Variants in PI4K2A observed in about 807,000 individuals in gnomAD.
PI4K2A encodes phosphatidylinositol 4-kinase type 2-alpha.
Under a neutral mutation model 55.0 loss-of-function variants are expected in PI4K2A, and 20 were observed. That is an observed-to-expected ratio of 0.36 (90% CI 0.26 to 0.53). PI4K2A has a LOEUF of 0.53. Among genes scored for constraint, PI4K2A ranks in the 20% least tolerant of loss-of-function variants. PI4K2A has a pLI of 0.91. For synonymous variants in PI4K2A, 235 were observed against 258.5 expected, an observed-to-expected ratio of 0.91 and a Z score of 0.87; for missense variants, 463 against 637.1, an observed-to-expected ratio of 0.73 and a Z score of 2.94.
chr10:97,654,374 T>C (rs1564774470), intron 2 of PI4K2A, among the ~76,000 whole-genome samples: 1 of 152,150 alleles, frequency 6.6e-6, no homozygotes, highest in Non-Finnish European at 1.5e-5. Context: ...GAGTGCCTAC[T>C]ACAGTACCAT....
intron 4 of PI4K2A, among the ~76,000 whole-genome samples, chr10:97,660,044 C>G (rs1396904351): frequency 6.7e-6 from 1 of 149,734 alleles, no homozygotes; most frequent in Non-Finnish European, 1.5e-5. Context: ...CTCTGTCACC[C>G]AGGCTGGAGT....
At chr10:97,642,825 TCC>T (rs1367880684) in intron 1 of PI4K2A, among the ~76,000 whole-genome samples, 53 of 5,110 alleles carry the variant, frequency 0.01, no homozygotes, top group Non-Finnish European at 0.022. Flanking sequence ...CTTCCTTCCT[TCC>T]TTCCTTCCTT....
intron 4 of PI4K2A, among the ~76,000 whole-genome samples, chr10:97,659,326 G>A (rs189749545): frequency 4.7e-4 from 71 of 152,076 alleles, no homozygotes; most frequent in African/African-American, 1.6e-3. Flanking sequence ...GAACAACTGC[G>A]CCTGGCTTGC....
At chr10:97,654,047 C>G (rs900105836) in intron 2 of PI4K2A, among the ~76,000 whole-genome samples, 2 of 152,242 alleles carry the variant, frequency 1.3e-5, no homozygotes, top group Admixed American at 1.3e-4. Context: ...AGGACTCTAT[C>G]CAGTTGATCA....
chr10:97,660,611 T>C (rs983534552), intron 4 of PI4K2A, among the ~76,000 whole-genome samples: 3 of 152,028 alleles, frequency 2.0e-5, no homozygotes, highest in Non-Finnish European at 4.4e-5. Context: ...TTCTAATATA[T>C]GCACTTCAGA....
chr10:97,656,407 A>G lies in PI4K2A; in HGVS notation c.759A>G (p.Leu253=). The change falls in exon 3 of 9, where the codon CTA becomes CTG. Residue 253 remains leucine (L), a synonymous_variant. Transcript: ENST00000370631. This position sits in a 1 kb window ranked among gnomAD's most constrained non-coding sequence, Gnocchi z 4.5. ...GACAGCGGTTTAACCGCATCGGGCT[A>G]CCACCAAAGGTATAGACGCACCTCT... The G allele has an allele frequency of 4.3e-6, 7 of 1,614,066 alleles. No homozygotes were observed. The highest frequency in any genetic ancestry group is 1.3e-5 in the African/African-American group (1 of 75,046).
At chr10:97,662,402 T>C (rs570058168) in intron 4 of PI4K2A, among the ~76,000 whole-genome samples, 50 of 152,342 alleles carry the variant, frequency 3.3e-4, no homozygotes, top group African/African-American at 1.2e-3. Context: ...GAGGAAGATT[T>C]CTTTTGGCAA....
At chr10:97,673,717 G>A (rs763253633) in exon 9 of PI4K2A, 6 of 1,613,916 alleles carry the variant, frequency 3.7e-6, no homozygotes, top group Non-Finnish European at 5.1e-6. Flanking sequence ...TTTCAGAGCC[G>A]GAAGCCCTTC....
rs544535088 is a variant in PI4K2A at position 97,665,645 on chromosome 10, T to C, written c.1084+661T>C. 2.1e-3 allele frequency among the ~76,000 whole-genome samples: 321 copies of C among 151,498 alleles called. 4 individuals are homozygous for C. Among genetic ancestry groups the C allele is most frequent in the Non-Finnish European group, 1.5e-4 (10 of 67,924 alleles). Reference sequence around the variant, plus strand: ...TCTTGCCCTGTCGCCCAGGCTGGAGTGCAGTGGCGCGATCTCGGCTCACTG... The same window carrying C: ...TCTTGCCCTGTCGCCCAGGCTGGAGCGCAGTGGCGCGATCTCGGCTCACTG... On this transcript the variant is annotated intron_variant, in intron 6 of 8. Coordinates refer to ENST00000370631, the Ensembl canonical transcript of PI4K2A.
chr10:97,656,946 G>A lies in PI4K2A; in HGVS notation c.894G>A (p.Val298=), dbSNP rs779778463. 1.2e-6 allele frequency: 2 copies of A among 1,614,174 alleles called. No individual in the cohort carries two copies. The highest frequency in any genetic ancestry group is 2.2e-5 in the South Asian group (2 of 91,078). The change falls in exon 4 of 9, where the codon GTG becomes GTA. Residue 298 remains valine, a synonymous_variant. Coordinates refer to ENST00000370631, the Ensembl canonical transcript of PI4K2A. This position sits in a 1 kb window ranked among gnomAD's most constrained non-coding sequence, Gnocchi z 4.5. ...TACTGCTCCAGTTTGAGCGGTTGGTGGTGCTGGATTACATCATCCGCAACA... is the reference window on the plus strand; with the variant it reads ...TACTGCTCCAGTTTGAGCGGTTGGTAGTGCTGGATTACATCATCCGCAACA...
chr10:97,656,796 C>G lies in PI4K2A; in HGVS notation c.769-25C>G, dbSNP rs374440774. On this transcript the variant is annotated intron_variant, in intron 3 of 8. Transcript: ENST00000370631. This position sits in a 1 kb window ranked among gnomAD's most constrained non-coding sequence, Gnocchi z 4.5. ...TTGGATTTGGGCAGTAGGGAAAAAC[C>G]TTTGTTCCTTCCTCTTGGTTCCAGG... The G allele has an allele frequency of 1.2e-6, 2 of 1,612,704 alleles. No homozygotes were observed. The highest frequency in any genetic ancestry group is 2.7e-5 in the African/African-American group (2 of 74,894).
chr10:97,663,498 T>A (rs969058031), intron 5 of PI4K2A, among the ~76,000 whole-genome samples: 3 of 151,810 alleles, frequency 2.0e-5, no homozygotes, highest in Admixed American at 6.6e-5. Context: ...TTGGTTTTAT[T>A]TCTTTTTTCT....
chr10:97,642,884 T>TCTTTCTTCCTTCCTTC (rs1564772365), intron 1 of PI4K2A, among the ~76,000 whole-genome samples: 6 of 96,878 alleles, frequency 6.2e-5, no homozygotes, highest in Admixed American at 9.6e-5. Flanking sequence ...TTTCTTTCTT[T>TCTTTCTTCCTTCCTTC]CTTCCTTCCT....
intron 5 of PI4K2A, 139 bp from the exon 6 acceptor site, chr10:97,664,746 G>A (rs575787096): frequency 3.2e-6 from 2 of 615,624 alleles, no homozygotes; most frequent in East Asian, 2.8e-5. Flanking sequence ...CAACATGGAA[G>A]CCAGTTCAGA....
chr10:97,643,223 C>G (rs1432285290), intron 1 of PI4K2A, among the ~76,000 whole-genome samples: 1 of 151,880 alleles, frequency 6.6e-6, no homozygotes, highest in African/African-American at 2.4e-5. Context: ...TGGCTTCAAG[C>G]AGTCATCCTC....
intron 1 of PI4K2A, among the ~76,000 whole-genome samples, chr10:97,643,430 G>A (rs2041488623): frequency 6.6e-6 from 1 of 151,834 alleles, no homozygotes; most frequent in Admixed American, 6.6e-5. Flanking sequence ...AAGTGGGTTA[G>A]GTCAGCTGAG....
intron 5 of PI4K2A, among the ~76,000 whole-genome samples, chr10:97,664,398 C>T (rs1041501179): frequency 1.3e-5 from 2 of 152,238 alleles, no homozygotes; most frequent in South Asian, 2.1e-4. Flanking sequence ...GGAGAACAGA[C>T]TCCCTTGTGC....
intron 2 of PI4K2A, among the ~76,000 whole-genome samples, chr10:97,652,296 TTTTC>T (rs2041533081): frequency 6.6e-6 from 1 of 152,022 alleles, no homozygotes; most frequent in Non-Finnish European, 1.5e-5. Context: ...TAAAGTTTTC[TTTTC>T]TTTCTTATTT....
chr10:97,674,676 T>C (rs930416689), exon 9 of PI4K2A: 3 of 152,178 alleles, frequency 2.0e-5, no homozygotes, highest in African/African-American at 7.2e-5. Context: ...CCCAACTCTT[T>C]TGATGTAAGA....
Sources: allele counts gnomAD v4.1 joint callset (sites outside exome capture counted in the v4.1 genomes callset), GRCh38; gene constraint gnomAD v4.1.1; non-coding constraint Gnocchi (gnomAD v3.1); transcripts MANE v1.5; gene names NCBI Gene and HGNC (gene_info 2026-07-23, HGNC 2026-07-21).